The following TBC1D14 variants were observed in gnomAD, a reference collection of about 807,000 sequenced individuals.
TBC1D14 encodes the protein TBC1 domain family, member 14.
In TBC1D14, 26 loss-of-function variants were observed where a neutral mutation model predicts 79.0. The observed-to-expected ratio is 0.33, with a 90% CI of 0.24 to 0.46. The LOEUF is 0.46. Ranked by LOEUF, TBC1D14 falls within the 20% of genes least tolerant of loss-of-function variation. TBC1D14 has a pLI of 1.00. For missense variants in TBC1D14, 769 were observed against 887.6 expected (o/e 0.87, Z 1.70); for synonymous variants, 394 against 349.9 (o/e 1.13, Z -1.40).
At chr4:6,987,506 G>A in intron 3 of TBC1D14, 1 of 630,774 alleles carries the variant, frequency 1.6e-6, no homozygotes, top group Non-Finnish European at 2.3e-6. Context: ...AGCATCACGT[G>A]TATCTGTCCT....
chr4:6,972,557 C>T (rs997825899), intron 3 of TBC1D14, among the ~76,000 whole-genome samples: 2 of 152,230 alleles, frequency 1.3e-5, no homozygotes, highest in Non-Finnish European at 2.9e-5. Context: ...CCTTCCCTGT[C>T]CACTGTCACC....
chr4:6,962,986 A>C (rs1391237163), intron 2 of TBC1D14, among the ~76,000 whole-genome samples: 1 of 151,910 alleles, frequency 6.6e-6, no homozygotes, highest in Non-Finnish European at 1.5e-5. Context: ...TGCAGAGGTG[A>C]CTCTACCCTG....
At chr4:6,935,076 C>G (rs192320914) in intron 2 of TBC1D14, among the ~76,000 whole-genome samples, 56 of 152,116 alleles carry the variant, frequency 3.7e-4, no homozygotes, top group African/African-American at 1.2e-3. Flanking sequence ...CTGCAGTGAT[C>G]GCGCCACTGC....
chr4:6,974,681 C>CT (rs1218828990), intron 3 of TBC1D14, among the ~76,000 whole-genome samples: 1 of 152,174 alleles, frequency 6.6e-6, no homozygotes, highest in Admixed American at 6.5e-5. Flanking sequence ...TGTGTGGAAT[C>CT]TAACTGCATA....
chr4:6,998,847 C>T (rs1357038509), intron 5 of TBC1D14: 2 of 434,936 alleles, frequency 4.6e-6, no homozygotes, highest in South Asian at 5.1e-5. Flanking sequence ...CCAACTGAAT[C>T]GTATTCTTCT....
intron 3 of TBC1D14, among the ~76,000 whole-genome samples, chr4:6,977,009 G>T (rs1009777064): frequency 2.3e-5 from 3 of 130,252 alleles, no homozygotes; most frequent in African/African-American, 8.8e-5. Flanking sequence ...TATCAATCCC[G>T]GAGAAGAAAA....
At chr4:6,928,994 G>T (rs1724501897) in intron 2 of TBC1D14, among the ~76,000 whole-genome samples, 1 of 152,208 alleles carries the variant, frequency 6.6e-6, no homozygotes, top group African/African-American at 2.4e-5. Flanking sequence ...ATGGAACATT[G>T]TAACTATGCC....
intron 2 of TBC1D14, among the ~76,000 whole-genome samples, chr4:6,953,101 C>G (rs1216103524): frequency 2.0e-5 from 3 of 148,152 alleles, no homozygotes; most frequent in Non-Finnish European, 3.0e-5. Context: ...TCTTGGCCCA[C>G]TGCACCCTCT....
intron 1 of TBC1D14, among the ~76,000 whole-genome samples, chr4:6,911,503 A>G (rs905641413): frequency 2.0e-5 from 3 of 152,184 alleles, no homozygotes; most frequent in Non-Finnish European, 2.9e-5. Context: ...CTGAGTTTTC[A>G]CCGTCTGCCC....
At chr4:7,014,821 C>T (rs945936531) in intron 12 of TBC1D14, among the ~76,000 whole-genome samples, 3 of 152,188 alleles carry the variant, frequency 2.0e-5, no homozygotes, top group East Asian at 1.9e-4. Flanking sequence ...CCTAAGCACC[C>T]GGCCTGTGCA....
chr4:6,919,739 G>C (rs1404016879), intron 1 of TBC1D14, among the ~76,000 whole-genome samples: 1 of 152,058 alleles, frequency 6.6e-6, no homozygotes, highest in African/African-American at 2.4e-5. Flanking sequence ...TCCTGCCTCA[G>C]CCTCCTGAGT....
chr4:6,934,144 T>C (rs1338552162), intron 2 of TBC1D14, among the ~76,000 whole-genome samples: 1 of 151,658 alleles, frequency 6.6e-6, no homozygotes, highest in Non-Finnish European at 1.5e-5. Context: ...CTTGTTGGCA[T>C]TGGAGGTGGT....
At chr4:6,992,875 A>T (rs1378015754) in intron 3 of TBC1D14, among the ~76,000 whole-genome samples, 1 of 152,230 alleles carries the variant, frequency 6.6e-6, no homozygotes, top group Non-Finnish European at 1.5e-5. Flanking sequence ...TAGAATTGTA[A>T]TGAAACCATG....
chr4:6,963,651 A>C (rs911393520), intron 2 of TBC1D14, among the ~76,000 whole-genome samples: 8 of 152,360 alleles, frequency 5.3e-5, no homozygotes, highest in Non-Finnish European at 8.8e-5. Flanking sequence ...CCCAGGCTAC[A>C]GCACCTTTTC....
chr4:6,946,147 C>T (rs1175984295), intron 2 of TBC1D14, among the ~76,000 whole-genome samples: 4 of 152,094 alleles, frequency 2.6e-5, no homozygotes, highest in Admixed American at 1.3e-4. Context: ...TGGGTACCTA[C>T]ATTTCCGGTC....
chr4:6,995,121 T>C (rs1395297478), intron 4 of TBC1D14, among the ~76,000 whole-genome samples: 1 of 152,216 alleles, frequency 6.6e-6, no homozygotes, highest in Admixed American at 6.5e-5. Flanking sequence ...CCTGCTCTCC[T>C]TTTACCCTAG....
At chr4:6,920,631 C>G (rs1723775145) in intron 1 of TBC1D14, among the ~76,000 whole-genome samples, 1 of 152,088 alleles carries the variant, frequency 6.6e-6, no homozygotes, top group African/African-American at 2.4e-5. Context: ...AACAAAGTGC[C>G]TGTTGGGGGT....
intron 2 of TBC1D14, among the ~76,000 whole-genome samples, chr4:6,939,159 G>A (rs934053219): frequency 6.6e-6 from 1 of 152,220 alleles, no homozygotes; most frequent in African/African-American, 2.4e-5. Flanking sequence ...TTTCCCACGT[G>A]TGAAATGCAG....
At chr4:6,999,911 C>G (rs1719484539) in intron 6 of TBC1D14, among the ~76,000 whole-genome samples, 1 of 152,032 alleles carries the variant, frequency 6.6e-6, no homozygotes, top group African/African-American at 2.4e-5. Context: ...AGCTGTGGGT[C>G]TTGTTTTTAT....
Sources: allele counts gnomAD v4.1 joint callset (sites outside exome capture counted in the v4.1 genomes callset), GRCh38; gene constraint gnomAD v4.1.1; transcripts MANE v1.5; gene names NCBI Gene and HGNC (gene_info 2026-07-23, HGNC 2026-07-21).